CDADC1: variants seen among roughly 807,000 people sequenced by gnomAD.
CDADC1 encodes dCTP deaminase.
Under a neutral mutation model 54.9 loss-of-function variants are expected in CDADC1, and 39 were observed. That is an observed-to-expected ratio of 0.71 (90% confidence interval 0.55 to 0.93). The LOEUF is 0.93. CDADC1 is among the 40% of genes least tolerant of loss of function. CDADC1 has a pLI of 0.00. For missense variants in CDADC1, 518 were observed against 618.8 expected (o/e 0.84, Z 1.73); for synonymous variants, 186 against 204.0 (o/e 0.91, Z 0.75).
chr13:49,278,721 C>G (rs1953222194), intron 7 of CDADC1, among the ~76,000 whole-genome samples: 1 of 152,150 alleles, frequency 6.6e-6, no homozygotes, highest in Non-Finnish European at 1.5e-5. Flanking sequence ...TCAGGTCTTC[C>G]CAATTTGTTG....
At chr13:49,251,842 AT>A (rs902161804) in intron 2 of CDADC1, among the ~76,000 whole-genome samples, 2 of 132,178 alleles carry the variant, frequency 1.5e-5, no homozygotes, top group African/African-American at 5.8e-5. Flanking sequence ...GATCAAGGTT[AT>A]GACTCTCATT....
rs1653141974 is a variant in CDADC1, at chr13:49,291,851, G to T, written c.*94G>T. 1 of 1,490,188 alleles carries T rather than the reference G, an allele frequency of 6.7e-7. No homozygotes were observed. Among genetic ancestry groups the T allele is most frequent in the Non-Finnish European group, 8.9e-7 (1 of 1,118,520 alleles). 92.3% of individuals were successfully genotyped at this position (1,490,188 alleles called of 1,614,324 possible). ...CATTCAGAAAATAAGGATGGATTTT[G>T]TGAATAATTGAAAAGATTTTTTAAG... On this transcript the variant is annotated 3_prime_UTR_variant, in exon 10 of 10. Coordinates refer to ENST00000251108, the MANE Select transcript of CDADC1 (RefSeq NM_030911.4).
At chr13:49,289,992 G>A (rs1167331989) in intron 9 of CDADC1, among the ~76,000 whole-genome samples, 2 of 152,132 alleles carry the variant, frequency 1.3e-5, no homozygotes, top group African/African-American at 4.8e-5. Flanking sequence ...GATGCAGTGA[G>A]CTGAGATCAC....
rs1953721278 is a variant in CDADC1 at position 49,292,030 on chromosome 13, G to A, written c.*273G>A. On this transcript the variant is annotated 3_prime_UTR_variant, in exon 10 of 10. Coordinates refer to ENST00000251108, the MANE Select transcript of CDADC1 (RefSeq NM_030911.4). ...ACCAATGTAATCACCAACAGGGACTGATTTCTATTTATCTTGACTTTATAT... is the reference window on the plus strand; with the variant it reads ...ACCAATGTAATCACCAACAGGGACTAATTTCTATTTATCTTGACTTTATAT... 6.0e-6 allele frequency: 7 copies of A among 1,160,698 alleles called. No individual in the cohort carries two copies. Among genetic ancestry groups the A allele is most frequent in the Non-Finnish European group, 7.5e-6 (7 of 938,334 alleles). 71.9% of individuals were successfully genotyped at this position (1,160,698 alleles called of 1,614,324 possible).
intron 5 of CDADC1, among the ~76,000 whole-genome samples, chr13:49,270,249 G>T (rs901913771): frequency 6.6e-6 from 1 of 152,030 alleles, no homozygotes; most frequent in Non-Finnish European, 1.5e-5. Context: ...TTGAGACAGG[G>T]TTTTACTCTG....
intron 9 of CDADC1, 133 bp downstream of exon 9, chr13:49,286,415 C>G: frequency 4.6e-6 from 3 of 653,438 alleles, no homozygotes; most frequent in Non-Finnish European, 8.0e-6. Flanking sequence ...TTTTGCCATT[C>G]AATTTGTTCA....
At chr13:49,284,502 A>C (rs1480318223) in intron 8 of CDADC1, among the ~76,000 whole-genome samples, 1 of 152,220 alleles carries the variant, frequency 6.6e-6, no homozygotes, top group African/African-American at 2.4e-5. Flanking sequence ...AATGTCCTTA[A>C]ACATAAATTC....
At position 49,248,923 on chromosome 13, in the gene CDADC1, G is replaced by T. The variant is rs1344220488; in HGVS notation, c.135G>T (p.Trp45Cys). 1 of 1,613,374 alleles carries T rather than the reference G, an allele frequency of 6.2e-7. No individual in the cohort carries two copies. Among genetic ancestry groups the T allele is most frequent in the Non-Finnish European group, 8.5e-7 (1 of 1,179,342 alleles). Residue 45 changes from tryptophan (W) to cysteine (C), a missense_variant, in exon 2 of 10, where the codon TGG becomes TGT. By Grantham distance (215) the Trp-to-Cys change is radical. Transcript: ENST00000251108. ...ACCTTTTCACTCTGCTCAGCCTCTGGATGGAGCTCTTTCCAGCAGAAGCCC... is the reference window on the plus strand; with the variant it reads ...ACCTTTTCACTCTGCTCAGCCTCTGTATGGAGCTCTTTCCAGCAGAAGCCC... ...KVNLFTLLSL[W>C]MELFPAEAQR...
At chr13:49,269,448 G>A (rs1052476436) in intron 5 of CDADC1, among the ~76,000 whole-genome samples, 14 of 152,238 alleles carry the variant, frequency 9.2e-5, no homozygotes, top group Non-Finnish European at 1.5e-4. Flanking sequence ...TCTGATGTTC[G>A]CAGAGTTAAT....
intron 4 of CDADC1, among the ~76,000 whole-genome samples, chr13:49,263,782 G>A (rs1404987883): frequency 6.6e-6 from 1 of 151,898 alleles, no homozygotes; most frequent in East Asian, 1.9e-4. Context: ...TACTTTATTA[G>A]AATTTTAAAC....
intron 4 of CDADC1, among the ~76,000 whole-genome samples, chr13:49,263,896 T>TA (rs974299047): frequency 2.0e-5 from 3 of 152,252 alleles, no homozygotes; most frequent in African/African-American, 7.2e-5. Flanking sequence ...GAAGACCTGT[T>TA]AAAGTTCCTT....
chr13:49,285,692 C>T (rs1027600826), intron 8 of CDADC1, among the ~76,000 whole-genome samples: 2 of 152,176 alleles, frequency 1.3e-5, no homozygotes, highest in African/African-American at 2.4e-5. Context: ...TGTAAAGAAT[C>T]TTCAACTTCT....
intron 9 of CDADC1, among the ~76,000 whole-genome samples, chr13:49,290,701 G>A (rs1304946023): frequency 6.6e-6 from 1 of 152,108 alleles, no homozygotes; most frequent in African/African-American, 2.4e-5. Context: ...TCATGAAACT[G>A]GACTAAGCAA....
chr13:49,249,427 A>T (rs2138187513), intron 2 of CDADC1, among the ~76,000 whole-genome samples: 1 of 152,328 alleles, frequency 6.6e-6, no homozygotes, highest in Admixed American at 6.5e-5. Context: ...ATCTTGAAAG[A>T]CAGGATCAAA....
chr13:49,292,708 A>G lies in CDADC1; in HGVS notation c.*951A>G, dbSNP rs566762566. On this transcript the variant is annotated 3_prime_UTR_variant, in exon 10 of 10. Transcript: ENST00000251108. ...CAGATTGCTGTCTGTGATTTCTCAC[A>G]TTTTTATTTGCTGAGAAACATTCAG... 3.4e-4 allele frequency: 433 copies of G among 1,262,478 alleles called. 1 individual carries two copies. In the African/African-American group the frequency reaches 3.7e-3, roughly 11 times the overall value. 78.2% of individuals were successfully genotyped at this position (1,262,478 alleles called of 1,614,324 possible).
intron 6 of CDADC1, among the ~76,000 whole-genome samples, chr13:49,274,658 G>A (rs9535185): frequency 0.3 from 44,866 of 151,396 alleles, 6,763 homozygotes; most frequent in East Asian, 0.5. Flanking sequence ...GTGACAGAGC[G>A]AGACTCCGTC....
chr13:49,291,778 G>T lies in CDADC1; in HGVS notation c.*21G>T. Reference sequence around the variant, plus strand: ...ACTAAGAAGGCCTGTCTACACTGCAGGGGAACCTCAAGAACTTTTCATTGC... The same window carrying T: ...ACTAAGAAGGCCTGTCTACACTGCATGGGAACCTCAAGAACTTTTCATTGC... On this transcript the variant is annotated 3_prime_UTR_variant, in exon 10 of 10. Coordinates refer to ENST00000251108, the MANE Select transcript of CDADC1 (RefSeq NM_030911.4). The T allele has an allele frequency of 6.2e-7, 1 of 1,606,642 alleles. No homozygotes were observed. The highest frequency in any genetic ancestry group is 1.1e-5 in the South Asian group (1 of 89,314).
rs768322998 is a variant in CDADC1 at position 49,255,782 on chromosome 13, A to T, written c.178-57A>T. The T allele has an allele frequency of 7.3e-5, 115 of 1,580,684 alleles. 1 individual carries two copies. Among genetic ancestry groups the T allele is most frequent in the Non-Finnish European group, 9.4e-5 (110 of 1,167,012 alleles). The stretch of plus-strand genomic sequence containing the variant: ...CAGCCTTTAAATATGGGAATATTGA[A>T]TTAGTCATATGTCTTATGTGCTAAT... On this transcript the variant is annotated intron_variant, in intron 2 of 9. Coordinates refer to ENST00000251108, the MANE Select transcript of CDADC1 (RefSeq NM_030911.4).
chr13:49,262,986 A>ATCT (rs1952721822), intron 4 of CDADC1, among the ~76,000 whole-genome samples: 1 of 152,224 alleles, frequency 6.6e-6, no homozygotes, highest in Non-Finnish European at 1.5e-5. Flanking sequence ...TTGAGTCTGC[A>ATCT]TCTTTTTAAT....
Sources: gnomAD v4.1 joint callset for allele counts (sites outside exome capture counted in the v4.1 genomes callset) on GRCh38, gnomAD v4.1.1 for gene constraint, MANE v1.5 for transcripts, NCBI Gene and HGNC (gene_info 2026-07-23, HGNC 2026-07-21) for gene names.